SCN1A: variants seen among roughly 807,000 people sequenced by gnomAD.
SCN1A encodes sodium voltage-gated channel alpha subunit 1.
In SCN1A, 13 loss-of-function variants were observed where a neutral mutation model predicts 193.7. The ratio of observed to expected loss-of-function variants is 0.07; its 90% CI spans 0.04 to 0.11. The LOEUF (loss-of-function observed/expected upper bound fraction) is 0.11, where lower values mean the gene tolerates loss of function less well. Among genes scored for constraint, SCN1A ranks in the 10% least tolerant of loss-of-function variants. The pLI is 1.00. For synonymous variants in SCN1A, 781 were observed against 843.6 expected, an observed-to-expected ratio of 0.93 and a Z score of 1.29; for missense variants, 1,432 against 2,451.1, an observed-to-expected ratio of 0.58 and a Z score of 8.78.
intron 19 of SCN1A, among the ~76,000 whole-genome samples, chr2:166,026,318 C>T (rs478389): frequency 0.7 from 105,815 of 151,966 alleles, 37,782 homozygotes; most frequent in African/African-American, 0.85. Context: ...ATTCTTATAA[C>T]GGTTGAGATA....
In SCN1A at chr2:165,992,241, G is replaced by A; in HGVS notation, c.5034C>T (p.Phe1678=). The change falls in exon 29 of 29, where the codon TTC becomes TTT. Residue 1678 remains phenylalanine, a synonymous_variant. Coordinates refer to ENST00000674923, the MANE Select transcript of SCN1A (RefSeq NM_001165963.4). This position sits in a 1 kb window ranked among gnomAD's most constrained non-coding sequence, Gnocchi z 6.5. ...AGATGGCGTAGATGAACATGACTAG[G>A]AAGAGTAGGAGGCCGATGTTAAACA... is the stretch of plus-strand genomic sequence containing the variant. ...PALFNIGLLL[F]LVMFIYAIFG... is the part of the protein sequence containing the mutation. The A allele has an allele frequency of 6.2e-7, 1 of 1,613,872 alleles. No homozygotes were observed. Among genetic ancestry groups the A allele is most frequent in the Middle Eastern group, 1.7e-4 (1 of 6,058 alleles).
chr2:166,012,599 T>C (rs1230312954), intron 21 of SCN1A, among the ~76,000 whole-genome samples: 1 of 147,048 alleles, frequency 6.8e-6, no homozygotes, highest in Non-Finnish European at 1.5e-5. Context: ...TTTATTTTGC[T>C]TCCTTCTATT....
chr2:166,054,801 A>T (rs1438836578), intron 6 of SCN1A, 35 bp from the exon 7 acceptor site: 1 of 1,601,236 alleles, frequency 6.2e-7, no homozygotes. Context: ...TGATAAAGTA[A>T]CAGTGTTTTT....
rs61002916 is a variant in SCN1A, at chr2:166,118,302, CTTTTTT to C, written c.-142+8616_-142+8621del. ...TTGCTTACTGATTTCTATTTAGTTT[CTTTTTT>C]TTTTTTTTTTTTTTTTTTTTTTGAG... On this transcript the variant is annotated intron_variant, in intron 2 of 28. Transcript: ENST00000674923. Among the ~76,000 whole-genome samples the C allele has an allele frequency of 8.9e-4, 72 of 81,116 alleles. 11 individuals carry two copies. The highest frequency in any genetic ancestry group is 3.4e-3 in the African/African-American group (67 of 19,790). The allele number at this position is 81,116 out of a possible 152,430, so 53.2% of individuals were successfully genotyped here. A position where few individuals can be genotyped will look rare whatever the true frequency, so the allele number is the denominator to read the frequency against.
At chr2:166,063,980 T>C (rs538154777) in intron 4 of SCN1A, among the ~76,000 whole-genome samples, 1 of 152,196 alleles carries the variant, frequency 6.6e-6, no homozygotes, top group African/African-American at 2.4e-5. Context: ...CATACCTTCT[T>C]CAGCAATCCT....
chr2:166,012,413 T>A, intron 21 of SCN1A, 131 bp from the exon 22 acceptor site: 1 of 333,248 alleles, frequency 3.0e-6, no homozygotes, highest in South Asian at 5.2e-5. Flanking sequence ...TTACTGTTAC[T>A]TTTTTTTTTT....
intron 23 of SCN1A, among the ~76,000 whole-genome samples, chr2:166,003,075 A>C (rs201579215): frequency 8.9e-6 from 1 of 112,992 alleles, no homozygotes; most frequent in Non-Finnish European, 1.8e-5. Context: ...GAATTGTGTT[A>C]TCAGAATAAA....
At chr2:166,089,073 GT>G (rs1313672649) in intron 2 of SCN1A, among the ~76,000 whole-genome samples, 1 of 152,078 alleles carries the variant, frequency 6.6e-6, no homozygotes, top group African/African-American at 2.4e-5. Context: ...GAACTTGCAG[GT>G]TTGTTACATA....
chr2:166,060,167 C>G (rs975128606), intron 4 of SCN1A: 4 of 152,164 alleles, frequency 2.6e-5, no homozygotes, highest in Admixed American at 1.3e-4. Context: ...TTGAGAAGCA[C>G]TGCTCCAAGT....
At chr2:166,137,805 G>C (rs1159054187) in intron 1 of SCN1A, among the ~76,000 whole-genome samples, 2 of 152,168 alleles carry the variant, frequency 1.3e-5, no homozygotes, top group Non-Finnish European at 2.9e-5. Context: ...GCAGAGGTTG[G>C]AACAATTTGG....
intron 2 of SCN1A, among the ~76,000 whole-genome samples, chr2:166,096,237 G>T (rs1687360453): frequency 6.6e-6 from 1 of 152,120 alleles, no homozygotes; most frequent in African/African-American, 2.4e-5. Context: ...TCATATGGTA[G>T]TCCATAATTC....
chr2:166,123,997 C>CT (rs1455969913), intron 2 of SCN1A, among the ~76,000 whole-genome samples: 1 of 152,164 alleles, frequency 6.6e-6, no homozygotes, highest in Non-Finnish European at 1.5e-5. Flanking sequence ...CTTAAAAAAA[C>CT]TTTTTCTCCA....
At chr2:166,054,579 T>A in intron 7 of SCN1A, 59 bp downstream of exon 7, 1 of 1,559,582 alleles carries the variant, frequency 6.4e-7, no homozygotes, top group Non-Finnish European at 8.8e-7. Flanking sequence ...CTTAAAAGCA[T>A]AAGCACTGAT....
At chr2:166,019,319 A>G (rs1693711225) in intron 19 of SCN1A, among the ~76,000 whole-genome samples, 1 of 152,172 alleles carries the variant, frequency 6.6e-6, no homozygotes, top group Non-Finnish European at 1.5e-5. Context: ...CATGTTTACA[A>G]ATTAATTTTA....
intron 19 of SCN1A, among the ~76,000 whole-genome samples, chr2:166,026,679 C>CTTTTTTTTTTTTTTTTT (rs35750460): frequency 1.0e-5 from 1 of 97,710 alleles, no homozygotes; most frequent in Non-Finnish European, 1.9e-5. Flanking sequence ...TTCTTTCTTT[C>CTTTTTTTTTTTTTTTTT]TTTTTTTTTT....
intron 2 of SCN1A, among the ~76,000 whole-genome samples, chr2:166,094,779 A>G (rs183457654): frequency 6.1e-4 from 93 of 152,360 alleles, no homozygotes; most frequent in Non-Finnish European, 1.2e-3. Flanking sequence ...AACGATGCTC[A>G]GTTATACTCT....
intron 6 of SCN1A, among the ~76,000 whole-genome samples, chr2:166,056,192 G>T (rs1304946599): frequency 1.3e-5 from 2 of 152,044 alleles, no homozygotes; most frequent in African/African-American, 2.4e-5. Context: ...GTCCAAGAGT[G>T]GTGGTCTTCA....
rs113844773 is a variant in SCN1A at position 166,148,180 on chromosome 2, C to T, written c.-50+867G>A. ...ATTTGTCTTCAACTTTTTAAATATC[C>T]ATCTATTTTTTAGATTAGATGCCAT... On this transcript the variant is annotated intron_variant, in intron 1 of 26. Coordinates refer to the SCN1A transcript ENST00000635750. Among the ~76,000 whole-genome samples the T allele has an allele frequency of 2.8e-3, 419 of 152,252 alleles. 2 individuals carry two copies. Among genetic ancestry groups the T allele is most frequent in the African/African-American group, 9.7e-3 (402 of 41,558 alleles).
At chr2:166,116,860 A>T (rs1689926016) in intron 2 of SCN1A, among the ~76,000 whole-genome samples, 1 of 152,198 alleles carries the variant, frequency 6.6e-6, no homozygotes, top group Non-Finnish European at 1.5e-5. Context: ...ATTTCAAGTG[A>T]AAATAACCAT....
Sources: gnomAD v4.1 joint callset for allele counts (sites outside exome capture counted in the v4.1 genomes callset) on GRCh38, gnomAD v4.1.1 for gene constraint, Gnocchi (gnomAD v3.1) non-coding constraint, MANE v1.5 for transcripts, NCBI Gene and HGNC (gene_info 2026-07-23, HGNC 2026-07-21) for gene names.